Variants in DUSP22 observed in about 807,000 individuals in gnomAD.
DUSP22 encodes the protein dual specificity phosphatase 22, also known as dual specificity protein phosphatase 22.
A neutral mutation model predicts 24.5 loss-of-function variants in DUSP22; 24 were observed. That is an observed-to-expected ratio of 0.98 (90% CI 0.71 to 1.38). The LOEUF is 1.38. Among genes scored for constraint, DUSP22 ranks in the 40% most tolerant of loss-of-function variants. The pLI is 0.00. For missense variants in DUSP22, 330 were observed against 269.2 expected, an observed-to-expected ratio of 1.23 and a Z score of -1.58; for synonymous variants, 160 against 106.4, an observed-to-expected ratio of 1.50 and a Z score of -3.10.
chr6:332,434 G>C (rs979847614), intron 3 of DUSP22, among the ~76,000 whole-genome samples: 3 of 152,288 alleles, frequency 2.0e-5, no homozygotes, highest in African/African-American at 7.2e-5. Flanking sequence ...TCTTCCTGTG[G>C]GTAGATTCTC....
At chr6:301,519 A>G (rs1242181493) in intron 1 of DUSP22, among the ~76,000 whole-genome samples, 85 of 152,382 alleles carry the variant, frequency 5.6e-4, no homozygotes, top group Non-Finnish European at 5.9e-5. Flanking sequence ...ATTTTGAGGT[A>G]GAAAATCACC....
intron 1 of DUSP22, among the ~76,000 whole-genome samples, chr6:294,523 ATTTTATT>A (rs1287804827): frequency 1.3e-5 from 2 of 152,296 alleles, no homozygotes; most frequent in Non-Finnish European, 2.9e-5. Context: ...TTAATAATAT[ATTTTATT>A]TAACAATATA....
chr6:302,651 G>C (rs748394697), intron 1 of DUSP22, among the ~76,000 whole-genome samples: 1 of 152,306 alleles, frequency 6.6e-6, no homozygotes, highest in Non-Finnish European at 1.5e-5. Flanking sequence ...ACTATGATAC[G>C]TTCTCTGACT....
intron 3 of DUSP22, among the ~76,000 whole-genome samples, chr6:330,219 G>A (rs1382375055): frequency 6.6e-6 from 1 of 152,294 alleles, no homozygotes; most frequent in Non-Finnish European, 1.5e-5. Flanking sequence ...TTTATTAGCA[G>A]CCAAAATGAC....
intron 4 of DUSP22, among the ~76,000 whole-genome samples, chr6:336,814 C>T (rs1231159710): frequency 2.0e-5 from 3 of 152,288 alleles, no homozygotes; most frequent in East Asian, 1.9e-4. Context: ...GGTTACTAGT[C>T]GTGTCAAGAA....
chr6:312,075 T>C (rs1758135959), intron 3 of DUSP22, 113 bp downstream of exon 3: 1 of 1,146,132 alleles, frequency 8.7e-7, no homozygotes, highest in Non-Finnish European at 1.2e-6. Flanking sequence ...ACTCCTGTGA[T>C]CTCTGGCGGC....
rs570823625 is a variant in DUSP22, at chr6:306,911, C to T, written c.55+2250C>T. On this transcript the variant is annotated intron_variant, in intron 2 of 6. Transcript: ENST00000419235. ...TGGAGTCTGTCTCACAGGGCTGTAG[C>T]GGGGCTGACCCAGACAATGGGTGAT... Among the ~76,000 whole-genome samples, 10 of 152,424 alleles carry T rather than the reference C, an allele frequency of 6.6e-5. No homozygotes were observed. In the East Asian group the frequency reaches 1.9e-3, roughly 29 times the overall value.
rs751236834 is a variant in DUSP22, at chr6:311,965, AAG to A, written c.138+8_138+9del. ...ATAGTGCCAGGCCTATGTTGGAGGT[AAG>A]AGAGCACCGTGGGGCGTGTGTGGGT... On this transcript the variant is annotated splice_donor_5th_base_variant and intron_variant, in intron 3 of 6. Transcript: ENST00000419235. 1.4e-5 allele frequency: 23 copies of A among 1,610,428 alleles called. No individual in the cohort carries two copies. In the African/African-American group the frequency reaches 2.4e-4, roughly 17 times the overall value.
chr6:311,853 A>T (rs778065308), intron 2 of DUSP22, 27 bp from the exon 3 acceptor site: 8 of 1,603,996 alleles, frequency 5.0e-6, no homozygotes, highest in Middle Eastern at 1.7e-4. Flanking sequence ...AGATATCAAA[A>T]TGTCCATCCC....
chr6:298,771 C>G (rs966660706), intron 1 of DUSP22, among the ~76,000 whole-genome samples: 1 of 152,308 alleles, frequency 6.6e-6, no homozygotes, highest in Admixed American at 6.5e-5. Context: ...GTGGCCTGTG[C>G]TGTTTCGTCA....
chr6:327,444 G>A (rs1374558364), intron 3 of DUSP22, among the ~76,000 whole-genome samples: 2 of 152,296 alleles, frequency 1.3e-5, no homozygotes, highest in African/African-American at 2.4e-5. Context: ...GTGGCCACAT[G>A]TTTAAAATTC....
At chr6:341,263 A>G (rs529974990) in intron 4 of DUSP22, among the ~76,000 whole-genome samples, 1 of 152,424 alleles carries the variant, frequency 6.6e-6, no homozygotes, top group African/African-American at 2.4e-5. Context: ...GCGTGGACGT[A>G]AAGGTGAACT....
chr6:328,796 G>C (rs1217591915), intron 3 of DUSP22, among the ~76,000 whole-genome samples: 1 of 152,302 alleles, frequency 6.6e-6, no homozygotes, highest in East Asian at 1.9e-4. Flanking sequence ...TAATTTATTT[G>C]GGACTTTTGC....
At chr6:293,797 CTT>C (rs11436850) in intron 1 of DUSP22, among the ~76,000 whole-genome samples, 5,406 of 123,434 alleles carry the variant, frequency 0.044, 16 homozygotes, top group African/African-American at 0.065. Context: ...ATTGTATTCA[CTT>C]TTTTTTTTTT....
chr6:317,813 G>A (rs1758401462), intron 3 of DUSP22, among the ~76,000 whole-genome samples: 1 of 152,428 alleles, frequency 6.6e-6, no homozygotes, highest in South Asian at 2.1e-4. Flanking sequence ...GCTGATGAAA[G>A]GCGAGATTTG....
At chr6:342,637 C>G (rs867688651) in intron 4 of DUSP22, among the ~76,000 whole-genome samples, 21 of 152,404 alleles carry the variant, frequency 1.4e-4, no homozygotes, top group Middle Eastern at 3.4e-3. Context: ...GGCAGAATAC[C>G]GTGTTTGACT....
At chr6:308,291 C>G (rs1757914973) in intron 2 of DUSP22, among the ~76,000 whole-genome samples, 1 of 152,310 alleles carries the variant, frequency 6.6e-6, no homozygotes, top group African/African-American at 2.4e-5. Context: ...TAGGAAACTC[C>G]ACCTTGAGCC....
At position 349,246 on chromosome 6, in the gene DUSP22, G is replaced by A; in HGVS notation, c.*295G>A. The A allele has an allele frequency of 1.5e-6, 2 of 1,354,604 alleles. No individual in the cohort carries two copies. Among genetic ancestry groups the A allele is most frequent in the Non-Finnish European group, 1.9e-6 (2 of 1,050,536 alleles). The allele number at this position is 1,354,604 out of a possible 1,614,324, so 83.9% of individuals were successfully genotyped here. On this transcript the variant is annotated 3_prime_UTR_variant, in exon 7 of 7. Coordinates refer to ENST00000419235, the MANE Select transcript of DUSP22 (RefSeq NM_001286555.3). ...GCACTTGTGTGTGGGTGACTAAGTG[G>A]ATGCATGTGTGTGCCTGTGTGAGTG...
intron 1 of DUSP22, among the ~76,000 whole-genome samples, chr6:298,455 G>A (rs1033996507): frequency 2.8e-4 from 43 of 152,294 alleles, no homozygotes; most frequent in Admixed American, 1.3e-4. Flanking sequence ...ATCAGTTTGG[G>A]TGGGGTTCTT....
Sources: gnomAD v4.1 joint callset for allele counts (sites outside exome capture counted in the v4.1 genomes callset) on GRCh38, gnomAD v4.1.1 for gene constraint, MANE v1.5 for transcripts, NCBI Gene and HGNC (gene_info 2026-07-23, HGNC 2026-07-21) for gene names.